Variants in PCDHAC1 observed in about 807,000 individuals in gnomAD.
PCDHAC1 encodes the protein protocadherin alpha subfamily C, 1, also known as protocadherin alpha-C1.
A neutral mutation model predicts 60.0 loss-of-function variants in PCDHAC1; 42 were observed. The observed-to-expected ratio is 0.70, with a 90% CI of 0.55 to 0.90. The LOEUF (loss-of-function observed/expected upper bound fraction) is 0.90. Among genes scored for constraint, PCDHAC1 ranks in the 40% least tolerant of loss-of-function variants. The probability of loss-of-function intolerance (pLI) is 0.00; values close to 1 mark genes in which losing one functional copy is unlikely to be tolerated. For synonymous variants in PCDHAC1, 468 were observed against 499.3 expected, an observed-to-expected ratio of 0.94 and a Z score of 0.84; for missense variants, 1,160 against 1,222.3, an observed-to-expected ratio of 0.95 and a Z score of 0.76.
At chr5:140,997,615 T>C (rs900460811) in intron 3 of PCDHAC1, among the ~76,000 whole-genome samples, 5 of 152,096 alleles carry the variant, frequency 3.3e-5, no homozygotes, top group Non-Finnish European at 7.3e-5. Context: ...CATGACTATA[T>C]AGAGATTTTC....
At chr5:141,006,105 GT>G (rs79904017) in intron 3 of PCDHAC1, among the ~76,000 whole-genome samples, 172 of 143,342 alleles carry the variant, frequency 1.2e-3, no homozygotes, top group East Asian at 2.0e-3. Context: ...ATGGTAAGGA[GT>G]TTTTTTTTTT....
intron 2 of PCDHAC1, among the ~76,000 whole-genome samples, chr5:140,979,495 G>A (rs1405180713): frequency 6.6e-6 from 1 of 151,840 alleles, no homozygotes; most frequent in Non-Finnish European, 1.5e-5. Context: ...ACCTATTAGA[G>A]CCTCCTCATC....
At chr5:140,978,856 A>G (rs2096826512) in intron 1 of PCDHAC1, 93 bp from the exon 2 acceptor site, 1 of 1,589,052 alleles carries the variant, frequency 6.3e-7, no homozygotes, top group Non-Finnish European at 8.6e-7. Flanking sequence ...AGATGCCTGG[A>G]AATATTTAAG....
chr5:140,987,789 G>T (rs1356794638), intron 3 of PCDHAC1, among the ~76,000 whole-genome samples: 2 of 152,136 alleles, frequency 1.3e-5, no homozygotes, highest in African/African-American at 4.8e-5. Context: ...CTATAGAGAA[G>T]ATTTTTTTAA....
At position 140,926,775 on chromosome 5, in the gene PCDHAC1, G is replaced by C; in HGVS notation, c.-118G>C. On this transcript the variant is annotated 5_prime_UTR_variant, in exon 1 of 4. Coordinates refer to ENST00000253807, the MANE Select transcript of PCDHAC1 (RefSeq NM_018898.5). The stretch of plus-strand genomic sequence containing the variant: ...GTCGCTGAGTATCCAGCCCGCAGCA[G>C]TGACGGCCGGCAGGAGCGTGCTCTT... The C allele has an allele frequency of 6.5e-6, 9 of 1,391,106 alleles. No homozygotes were observed. The highest frequency in any genetic ancestry group is 3.1e-5 in the Admixed American group (1 of 32,380). 86.2% of individuals were successfully genotyped at this position (1,391,106 alleles called of 1,614,324 possible).
intron 1 of PCDHAC1, chr5:140,968,146 T>C: frequency 6.2e-7 from 1 of 1,614,140 alleles, no homozygotes. Flanking sequence ...TTGAGATCTC[T>C]GACATCAATG....
chr5:140,961,025 C>G (rs1283958205), intron 1 of PCDHAC1, among the ~76,000 whole-genome samples: 1 of 152,150 alleles, frequency 6.6e-6, no homozygotes, highest in African/African-American at 2.4e-5. Context: ...CACTTGCTAC[C>G]TCCTTGTTTT....
chr5:140,972,660 A>AT (rs11350929), intron 1 of PCDHAC1, among the ~76,000 whole-genome samples: 2,691 of 117,234 alleles, frequency 0.023, 50 homozygotes, highest in South Asian at 0.067. Context: ...AAGAAACCAA[A>AT]TTTTTTTTTT....
At chr5:140,937,329 G>T (rs1406340473) in intron 1 of PCDHAC1, among the ~76,000 whole-genome samples, 1 of 152,050 alleles carries the variant, frequency 6.6e-6, no homozygotes, top group Admixed American at 6.5e-5. Flanking sequence ...GAGCCACCGC[G>T]CCCGGCTTCT....
rs1476576189 is a variant in PCDHAC1 at position 140,926,441 on chromosome 5, A to T, written c.-452A>T. The T allele has an allele frequency of 6.5e-6, 1 of 154,800 alleles. No homozygotes were observed. The highest frequency in any genetic ancestry group is 1.4e-5 in the Non-Finnish European group (1 of 69,990). The allele number at this position is 154,800 out of a possible 1,614,324, so 9.6% of individuals were successfully genotyped here. A position where few individuals can be genotyped will look rare whatever the true frequency, so the allele number is the denominator to read the frequency against. On this transcript the variant is annotated 5_prime_UTR_variant, in exon 1 of 4. Transcript: ENST00000253807. ...AGGATGTGGAGGTTAAGATCTGGGC[A>T]GCCTCAGGGCGTTGTCCTAGAAAAC...
chr5:141,003,452 C>G (rs1554259072), intron 3 of PCDHAC1, among the ~76,000 whole-genome samples: 1 of 152,112 alleles, frequency 6.6e-6, no homozygotes, highest in Non-Finnish European at 1.5e-5. Flanking sequence ...GATGAAATTA[C>G]AGGCGTGCAC....
chr5:140,977,543 A>G (rs905389015), intron 1 of PCDHAC1, among the ~76,000 whole-genome samples: 3 of 152,224 alleles, frequency 2.0e-5, no homozygotes. Context: ...AGCAGCTTGC[A>G]TATGCATATC....
chr5:140,986,736 A>C (rs1056820843), intron 3 of PCDHAC1, among the ~76,000 whole-genome samples: 1 of 152,206 alleles, frequency 6.6e-6, no homozygotes, highest in South Asian at 2.1e-4. Context: ...TCAAGACCCC[A>C]GGGGATCTGG....
intron 1 of PCDHAC1, chr5:140,967,191 A>G (rs781981464): frequency 6.2e-7 from 1 of 1,613,532 alleles, no homozygotes; most frequent in Non-Finnish European, 8.5e-7. Flanking sequence ...TTGGACATCA[A>G]CGACAACTCA....
At chr5:140,969,057 T>G in intron 1 of PCDHAC1, 2 of 1,614,162 alleles carry the variant, frequency 1.2e-6, no homozygotes, top group Non-Finnish European at 1.7e-6. Context: ...AACAACAATA[T>G]TGATGCCAGG....
intron 1 of PCDHAC1, among the ~76,000 whole-genome samples, chr5:140,939,871 T>G (rs2092481346): frequency 6.6e-6 from 1 of 152,230 alleles, no homozygotes; most frequent in Non-Finnish European, 1.5e-5. Context: ...TAGGTCATCT[T>G]TGCTAGTTGT....
In PCDHAC1 at chr5:140,960,243, G is replaced by A. The variant is rs531821446; in HGVS notation, c.2434-18706G>A. On this transcript the variant is annotated intron_variant, in intron 1 of 3. Coordinates refer to ENST00000253807, the MANE Select transcript of PCDHAC1 (RefSeq NM_018898.5). The stretch of plus-strand genomic sequence containing the variant: ...AGAAACAGAGCCATGGTAAAAAGAA[G>A]CTTCCTGGAGCTTCTGATAAATTCC... 3.9e-5 allele frequency among the ~76,000 whole-genome samples: 6 copies of A among 152,270 alleles called. No individual in the cohort carries two copies. The East Asian group carries it at 1.2e-3, about 29-fold the overall frequency.
chr5:140,974,309 TGA>T (rs1190034770), intron 1 of PCDHAC1, among the ~76,000 whole-genome samples: 4 of 152,212 alleles, frequency 2.6e-5, no homozygotes, highest in South Asian at 4.1e-4. Context: ...CAACTGTGAG[TGA>T]GAGAGTAGCT....
chr5:140,961,878 C>A (rs2095639757), intron 1 of PCDHAC1, among the ~76,000 whole-genome samples: 1 of 150,888 alleles, frequency 6.6e-6, no homozygotes, highest in Non-Finnish European at 1.5e-5. Context: ...AATTGACTTA[C>A]TTACATCAGT....
Sources: gnomAD v4.1 joint callset for allele counts (sites outside exome capture counted in the v4.1 genomes callset) on GRCh38, gnomAD v4.1.1 for gene constraint, MANE v1.5 for transcripts, NCBI Gene and HGNC (gene_info 2026-07-23, HGNC 2026-07-21) for gene names.